The following ELMO1 variants were observed in gnomAD, a reference collection of about 807,000 sequenced individuals.
ELMO1 encodes engulfment and cell motility 1, also known as engulfment and cell motility protein 1.
ELMO1 carries 26 observed loss-of-function variants against 98.9 expected under a neutral mutation model. The ratio of observed to expected loss-of-function variants is 0.26; its 90% CI spans 0.19 to 0.36. The LOEUF is 0.36. Ranked by LOEUF, ELMO1 falls within the 10% of genes least tolerant of loss-of-function variation. The pLI is 1.00. For missense variants in ELMO1, 627 were observed against 935.2 expected (o/e 0.67, Z 4.30); for synonymous variants, 346 against 346.0 (o/e 1.00, Z 0.00).
In ELMO1 at chr7:37,271,630, G is replaced by A. The variant is rs776288296; in HGVS notation, c.243+202C>T. 19 of 545,420 alleles carry A rather than the reference G, an allele frequency of 3.5e-5. No homozygotes were observed. In the Admixed American group the frequency reaches 4.2e-4, roughly 12 times the overall value. The allele number at this position is 545,420 out of a possible 1,614,324, so 33.8% of individuals were successfully genotyped here. On this transcript the variant is annotated intron_variant, in intron 5 of 21. Coordinates refer to ENST00000310758, the MANE Select transcript of ELMO1 (RefSeq NM_014800.11). ...CGCAGGTTAGACAAGCTTGCCCTTC[G>A]CCTGGAATAAGGTCTTCCTCCTCTG... is the stretch of plus-strand genomic sequence containing the variant.
At chr7:36,934,244 A>C (rs6980027) in intron 16 of ELMO1, among the ~76,000 whole-genome samples, 143,869 of 152,284 alleles carry the variant, frequency 0.94, 68,123 homozygotes, top group African/African-American at 0.97. Flanking sequence ...AGCCCTTCCC[A>C]CAACCAAGAC....
chr7:37,298,568 C>G (rs1798184896), intron 4 of ELMO1, among the ~76,000 whole-genome samples: 1 of 146,158 alleles, frequency 6.8e-6, no homozygotes, highest in South Asian at 2.2e-4. Context: ...GTTTTTTGTT[C>G]TTGCGATAGT....
At chr7:36,998,848 A>C (rs1221022118) in intron 16 of ELMO1, among the ~76,000 whole-genome samples, 1 of 152,076 alleles carries the variant, frequency 6.6e-6, no homozygotes, top group Non-Finnish European at 1.5e-5. Flanking sequence ...TTAATACATG[A>C]AAAGGCGAGC....
chr7:37,040,769 G>C (rs149549488), intron 15 of ELMO1, among the ~76,000 whole-genome samples: 9 of 152,192 alleles, frequency 5.9e-5, no homozygotes, highest in African/African-American at 1.9e-4. Context: ...TATTATTAGC[G>C]TTCTAGCACT....
At chr7:37,129,873 T>C (rs1322842173) in intron 14 of ELMO1, among the ~76,000 whole-genome samples, 1 of 152,162 alleles carries the variant, frequency 6.6e-6, no homozygotes, top group East Asian at 1.9e-4. Flanking sequence ...CCCACTGAAG[T>C]AGCACATTTG....
intron 19 of ELMO1, among the ~76,000 whole-genome samples, chr7:36,875,616 G>A (rs778608521): frequency 8.5e-5 from 13 of 152,164 alleles, no homozygotes; most frequent in Admixed American, 7.2e-4. Flanking sequence ...TGGCCACTGC[G>A]AAAAGCTGTG....
At chr7:37,296,907 T>C (rs1055533504) in intron 4 of ELMO1, among the ~76,000 whole-genome samples, 2 of 152,176 alleles carry the variant, frequency 1.3e-5, no homozygotes, top group Admixed American at 1.3e-4. Context: ...ACACCTGACA[T>C]GCTCTCAAGC....
intron 2 of ELMO1, among the ~76,000 whole-genome samples, chr7:37,339,462 G>C (rs1583583431): frequency 6.6e-6 from 1 of 152,202 alleles, no homozygotes; most frequent in South Asian, 2.1e-4. Context: ...TGAAATAGCA[G>C]CTATCCAGGC....
At chr7:37,282,023 C>T (rs1453930932) in intron 4 of ELMO1, among the ~76,000 whole-genome samples, 1 of 10,664 alleles carries the variant, frequency 9.4e-5, no homozygotes, top group Non-Finnish European at 1.6e-4. Flanking sequence ...ATCGATTCAG[C>T]CTCCATGTGG....
At chr7:37,118,412 C>A (rs1378230428) in intron 14 of ELMO1, among the ~76,000 whole-genome samples, 1 of 152,192 alleles carries the variant, frequency 6.6e-6, no homozygotes, top group African/African-American at 2.4e-5. Flanking sequence ...GGGAAACATG[C>A]CTTTTCCTTT....
intron 4 of ELMO1, among the ~76,000 whole-genome samples, chr7:37,292,643 T>A (rs1289682511): frequency 8.9e-6 from 1 of 111,856 alleles, no homozygotes; most frequent in Non-Finnish European, 2.1e-5. Flanking sequence ...GGACGCCCCG[T>A]CTGAGAAGTG....
At chr7:37,191,642 G>C (rs117019870) in intron 13 of ELMO1, among the ~76,000 whole-genome samples, 1 of 151,992 alleles carries the variant, frequency 6.6e-6, no homozygotes, top group Non-Finnish European at 1.5e-5. Flanking sequence ...GGCATCGGCC[G>C]GGCACGGTGG....
intron 16 of ELMO1, among the ~76,000 whole-genome samples, chr7:36,932,950 TG>T (rs1333847901): frequency 6.6e-6 from 1 of 152,226 alleles, no homozygotes; most frequent in African/African-American, 2.4e-5. Context: ...AGTGGGCGGA[TG>T]CCTTCCCAGG....
intron 4 of ELMO1, among the ~76,000 whole-genome samples, chr7:37,277,138 G>C (rs1796882388): frequency 6.6e-6 from 1 of 152,230 alleles, no homozygotes; most frequent in Non-Finnish European, 1.5e-5. Flanking sequence ...CACAGATGAG[G>C]CACCAAGGCA....
chr7:37,393,084 C>T (rs945608591), intron 1 of ELMO1, among the ~76,000 whole-genome samples: 1 of 152,198 alleles, frequency 6.6e-6, no homozygotes, highest in Non-Finnish European at 1.5e-5. Context: ...AAACATCTCT[C>T]CTGGGCAACT....
chr7:36,918,717 CT>C (rs1784903020), intron 16 of ELMO1, among the ~76,000 whole-genome samples: 1 of 152,154 alleles, frequency 6.6e-6, no homozygotes, highest in South Asian at 2.1e-4. Context: ...CTTTCAAGGG[CT>C]TTTGCTAAAT....
intron 4 of ELMO1, among the ~76,000 whole-genome samples, chr7:37,272,545 G>A (rs1039389551): frequency 1.7e-4 from 26 of 152,124 alleles, no homozygotes; most frequent in Non-Finnish European, 3.1e-4. Context: ...CATAGTGGCA[G>A]GCGCCTGTAA....
chr7:37,250,074 G>A (rs1795258173), intron 6 of ELMO1, among the ~76,000 whole-genome samples: 1 of 151,664 alleles, frequency 6.6e-6, no homozygotes, highest in Admixed American at 6.6e-5. Flanking sequence ...GCAAGACTCT[G>A]ACTCAAAAAA....
At chr7:37,126,879 T>C (rs759868216) in intron 14 of ELMO1, among the ~76,000 whole-genome samples, 26 of 152,266 alleles carry the variant, frequency 1.7e-4, no homozygotes, top group Non-Finnish European at 2.9e-4. Flanking sequence ...GGATACTTTT[T>C]AGCGCCTAAG....
Sources: allele counts gnomAD v4.1 joint callset (sites outside exome capture counted in the v4.1 genomes callset), GRCh38; gene constraint gnomAD v4.1.1; transcripts MANE v1.5; gene names NCBI Gene and HGNC (gene_info 2026-07-23, HGNC 2026-07-21).